IL1RAPL2: variants seen among roughly 807,000 people sequenced by gnomAD.
IL1RAPL2 encodes the protein X-linked interleukin-1 receptor accessory protein-like 2.
In IL1RAPL2, 3 loss-of-function variants were observed where a neutral mutation model predicts 44.1. The observed-to-expected ratio is 0.07, with a 90% CI of 0.03 to 0.18. IL1RAPL2 has a LOEUF of 0.18. IL1RAPL2 is among the 10% of genes least tolerant of loss of function. The pLI is 1.00. For missense variants in IL1RAPL2, 391 were observed against 496.4 expected, an observed-to-expected ratio of 0.79 and a Z score of 2.02; for synonymous variants, 181 against 178.8, an observed-to-expected ratio of 1.01 and a Z score of -0.10.
At chrX:104,942,761 C>T (rs1305005143) in intron 2 of IL1RAPL2, among the ~76,000 whole-genome samples, 1 of 111,447 alleles carries the variant, frequency 9.0e-6, no homozygotes, top group African/African-American at 3.3e-5. Flanking sequence ...AAGGGCATCC[C>T]TGTCTTGTGG....
intron 2 of IL1RAPL2, among the ~76,000 whole-genome samples, chrX:104,760,484 G>A (rs763413143): frequency 9.6e-4 from 108 of 111,983 alleles, no homozygotes; most frequent in Middle Eastern, 9.2e-3. Context: ...TTTAACTGGG[G>A]TGAGGTGATA....
chrX:105,373,615 T>A (rs940460699), intron 5 of IL1RAPL2, among the ~76,000 whole-genome samples: 1 of 111,956 alleles, frequency 8.9e-6, no homozygotes, highest in South Asian at 3.7e-4. Flanking sequence ...AGAATGGTAT[T>A]GCCTAAGTTG....
chrX:105,607,915 G>A (rs927302729), intron 6 of IL1RAPL2, among the ~76,000 whole-genome samples: 2 of 110,395 alleles, frequency 1.8e-5, no homozygotes, highest in African/African-American at 6.6e-5. Context: ...TTTGAGTAGG[G>A]GAATAATATA....
At chrX:104,762,243 C>A (rs1327264737) in intron 2 of IL1RAPL2, among the ~76,000 whole-genome samples, 2 of 110,690 alleles carry the variant, frequency 1.8e-5, no homozygotes, top group Non-Finnish European at 3.8e-5. Context: ...AGGTGATCCA[C>A]CTGCCTCGGC....
intron 2 of IL1RAPL2, among the ~76,000 whole-genome samples, chrX:104,837,350 G>A (rs1921769225): frequency 9.0e-6 from 1 of 111,577 alleles, no homozygotes; most frequent in Admixed American, 9.5e-5. Context: ...CACTAGCAGT[G>A]TAAAAGCATT....
chrX:105,585,090 T>C (rs1447307729), intron 6 of IL1RAPL2, among the ~76,000 whole-genome samples: 1 of 110,866 alleles, frequency 9.0e-6, no homozygotes, highest in East Asian at 2.8e-4. Flanking sequence ...CTTGTATCTT[T>C]TTACATATCT....
chrX:105,738,759 T>A (rs974728233), intron 7 of IL1RAPL2, among the ~76,000 whole-genome samples: 74 of 110,385 alleles, frequency 6.7e-4, no homozygotes, highest in African/African-American at 2.4e-3. Flanking sequence ...GGAGGCGCAC[T>A]CTTCAGGAAA....
chrX:105,543,898 G>A lies in IL1RAPL2; in HGVS notation c.772+59511G>A, dbSNP rs777294490. The stretch of plus-strand genomic sequence containing the variant: ...TTTTCAAGATTGTTTTGGCTATTCT[G>A]GGTCTCTTTCATTTCCGTATAAATT... On this transcript the variant is annotated intron_variant, in intron 6 of 10. Coordinates refer to ENST00000372582, the MANE Select transcript of IL1RAPL2 (RefSeq NM_017416.2). Among the ~76,000 whole-genome samples, 23 of 111,496 alleles carry A rather than the reference G, an allele frequency of 2.1e-4. 1 individual carries two copies. In the South Asian group the frequency reaches 7.8e-3, roughly 38 times the overall value.
chrX:105,437,649 C>A (rs2035891382), intron 5 of IL1RAPL2, among the ~76,000 whole-genome samples: 2 of 110,808 alleles, frequency 1.8e-5, no homozygotes. Context: ...GCATTATTAC[C>A]CATTTAGAAA....
chrX:105,227,858 A>G (rs1417534179), intron 3 of IL1RAPL2, among the ~76,000 whole-genome samples: 1 of 112,374 alleles, frequency 8.9e-6, no homozygotes, highest in Non-Finnish European at 1.9e-5. Flanking sequence ...TAAATAAGGT[A>G]AAATATACAT....
chrX:105,706,656 C>T (rs912947052), intron 6 of IL1RAPL2, among the ~76,000 whole-genome samples: 8 of 110,980 alleles, frequency 7.2e-5, no homozygotes, highest in South Asian at 3.8e-4. Context: ...CGGATAAAGC[C>T]CTGGAGGATA....
intron 2 of IL1RAPL2, among the ~76,000 whole-genome samples, chrX:105,093,475 G>A (rs1231919904): frequency 9.0e-6 from 1 of 110,900 alleles, no homozygotes; most frequent in Non-Finnish European, 1.9e-5. Flanking sequence ...GCTGGAGAAG[G>A]GTGTGGAAAA....
intron 1 of IL1RAPL2, among the ~76,000 whole-genome samples, chrX:104,638,862 G>A (rs751632358): frequency 1.8e-5 from 2 of 112,324 alleles, no homozygotes; most frequent in African/African-American, 3.2e-5. Flanking sequence ...TTCTGTAAAT[G>A]TATATTAGGT....
intron 5 of IL1RAPL2, among the ~76,000 whole-genome samples, chrX:105,341,952 A>C (rs2035073836): frequency 9.1e-6 from 1 of 110,133 alleles, no homozygotes; most frequent in Non-Finnish European, 1.9e-5. Flanking sequence ...AATGTGGCAC[A>C]TATACACCAT....
intron 2 of IL1RAPL2, among the ~76,000 whole-genome samples, chrX:104,994,568 G>A (rs964700248): frequency 9.0e-6 from 1 of 111,570 alleles, no homozygotes; most frequent in African/African-American, 3.2e-5. Context: ...TAAGGGCAAA[G>A]TTTAACCCTT....
chrX:105,737,553 C>T (rs778524479), intron 7 of IL1RAPL2, among the ~76,000 whole-genome samples: 17 of 111,048 alleles, frequency 1.5e-4, no homozygotes, highest in Non-Finnish European at 3.0e-4. Context: ...CAGATTCTTT[C>T]TGCAGCCTGT....
At chrX:104,909,724 T>G (rs1924168351) in intron 2 of IL1RAPL2, among the ~76,000 whole-genome samples, 1 of 112,242 alleles carries the variant, frequency 8.9e-6, no homozygotes, top group African/African-American at 3.2e-5. Context: ...AGCTGCTTAC[T>G]GGGAGAACCA....
At chrX:105,521,829 G>A (rs964010919) in intron 6 of IL1RAPL2, among the ~76,000 whole-genome samples, 1 of 112,261 alleles carries the variant, frequency 8.9e-6, no homozygotes, top group African/African-American at 3.2e-5. Context: ...ATACCGTGAT[G>A]TAAATAATCC....
chrX:104,914,584 A>C (rs777779668), intron 2 of IL1RAPL2, among the ~76,000 whole-genome samples: 1 of 111,526 alleles, frequency 9.0e-6, no homozygotes, highest in Admixed American at 9.6e-5. Context: ...TTATTATTAT[A>C]TTTTAAGTTT....
Sources: allele counts gnomAD v4.1 joint callset (sites outside exome capture counted in the v4.1 genomes callset), GRCh38; gene constraint gnomAD v4.1.1; transcripts MANE v1.5; gene names NCBI Gene and HGNC (gene_info 2026-07-23, HGNC 2026-07-21).